Variants in RSBN1L observed in about 807,000 individuals in gnomAD.
The protein encoded by RSBN1L is round spermatid basic protein 1 like, also known as lysine-specific demethylase RSBN1L.
Under a neutral mutation model 67.7 loss-of-function variants are expected in RSBN1L, and 30 were observed. The ratio of observed to expected loss-of-function variants is 0.44; its 90% CI spans 0.33 to 0.60. RSBN1L has a LOEUF of 0.60. Ranked by LOEUF, RSBN1L falls within the 20% of genes least tolerant of loss-of-function variation. RSBN1L has a pLI of 0.02. For missense variants in RSBN1L, 992 were observed against 1,031.7 expected, an observed-to-expected ratio of 0.96 and a Z score of 0.53; for synonymous variants, 433 against 387.0, an observed-to-expected ratio of 1.12 and a Z score of -1.39.
At chr7:77,758,361 G>T (rs1259304661) in intron 3 of RSBN1L, among the ~76,000 whole-genome samples, 1 of 152,142 alleles carries the variant, frequency 6.6e-6, no homozygotes, top group Non-Finnish European at 1.5e-5. Context: ...TTTAATATTT[G>T]TGGGTACATA....
chr7:77,748,203 G>A (rs1791508994), intron 2 of RSBN1L, among the ~76,000 whole-genome samples: 1 of 152,076 alleles, frequency 6.6e-6, no homozygotes, highest in Admixed American at 6.6e-5. Flanking sequence ...TTATAGAAAG[G>A]TTAATATGGC....
At chr7:77,771,511 CTTTT>C (rs10630112) in intron 5 of RSBN1L, among the ~76,000 whole-genome samples, 1 of 136,134 alleles carries the variant, frequency 7.3e-6, no homozygotes, top group Admixed American at 7.3e-5. Context: ...CTCAGCGACT[CTTTT>C]TTTTTTTTTT....
In RSBN1L at chr7:77,742,566, GGT is replaced by G. The variant is rs570959669; in HGVS notation, c.703+6042_703+6043del. On this transcript the variant is annotated intron_variant, in intron 2 of 7. Coordinates refer to ENST00000334955, the MANE Select transcript of RSBN1L (RefSeq NM_198467.3). ...AAACCATGTTGTTTAGGCCTGGTGT[GGT>G]GGCTCACACCTGTAATCCCAGCACT... 1.1e-4 allele frequency among the ~76,000 whole-genome samples: 17 copies of G among 152,204 alleles called. 1 individual carries two copies. In the South Asian group the frequency reaches 3.3e-3, roughly 30 times the overall value.
chr7:77,720,013 C>T (rs1791094993), intron 1 of RSBN1L, among the ~76,000 whole-genome samples: 1 of 152,230 alleles, frequency 6.6e-6, no homozygotes, highest in South Asian at 2.1e-4. Context: ...CATCCTCCCA[C>T]CTTGTCCTCC....
chr7:77,765,482 C>T lies in RSBN1L; in HGVS notation c.1345-13C>T. The T allele has an allele frequency of 1.3e-6, 2 of 1,512,700 alleles. No individual in the cohort carries two copies. Among genetic ancestry groups the T allele is most frequent in the Non-Finnish European group, 1.8e-6 (2 of 1,124,150 alleles). 93.7% of individuals were successfully genotyped at this position (1,512,700 alleles called of 1,614,324 possible). ...AACGTATTTAACTTTTAATTAAATC[C>T]ATGTTTCTTCAGGTAAAAAGAACGT... On this transcript the variant is annotated splice_polypyrimidine_tract_variant and intron_variant, in intron 3 of 7. Transcript: ENST00000334955.
chr7:77,754,581 A>G (rs1791593080), intron 3 of RSBN1L, among the ~76,000 whole-genome samples: 1 of 152,232 alleles, frequency 6.6e-6, no homozygotes, highest in South Asian at 2.1e-4. Flanking sequence ...TTAGAATATG[A>G]CATTAACATT....
intron 1 of RSBN1L, among the ~76,000 whole-genome samples, chr7:77,706,893 G>T (rs983374772): frequency 1.3e-5 from 2 of 152,026 alleles, no homozygotes; most frequent in Non-Finnish European, 2.9e-5. Flanking sequence ...AGCCCTGCCA[G>T]TTTTTAAATA....
At chr7:77,704,097 T>C (rs1049873737) in intron 1 of RSBN1L, among the ~76,000 whole-genome samples, 44 of 152,238 alleles carry the variant, frequency 2.9e-4, no homozygotes, top group African/African-American at 1.0e-3. Flanking sequence ...TCCTGACCTT[T>C]CTTTCATACC....
chr7:77,698,992 C>T (rs1480226251), intron 1 of RSBN1L, among the ~76,000 whole-genome samples: 2 of 151,996 alleles, frequency 1.3e-5, no homozygotes, highest in Non-Finnish European at 2.9e-5. Context: ...TAAGAAGATT[C>T]TTAAATAGCG....
chr7:77,735,244 C>T (rs1791319595), intron 1 of RSBN1L, among the ~76,000 whole-genome samples: 1 of 152,036 alleles, frequency 6.6e-6, no homozygotes, highest in African/African-American at 2.4e-5. Context: ...GACTATTCAA[C>T]ACTTAAAGTG....
intron 1 of RSBN1L, among the ~76,000 whole-genome samples, chr7:77,717,051 G>A (rs1217247710): frequency 6.6e-6 from 1 of 151,716 alleles, no homozygotes; most frequent in African/African-American, 2.4e-5. Flanking sequence ...GTCTGGAACT[G>A]CTGGCCTTAA....
chr7:77,774,055 C>T (rs1276419908), intron 6 of RSBN1L, among the ~76,000 whole-genome samples: 1 of 152,164 alleles, frequency 6.6e-6, no homozygotes, highest in Non-Finnish European at 1.5e-5. Context: ...AATCTGATTC[C>T]ATACTCTTCT....
chr7:77,703,071 T>C (rs1362025724), intron 1 of RSBN1L, among the ~76,000 whole-genome samples: 1 of 152,150 alleles, frequency 6.6e-6, no homozygotes, highest in African/African-American at 2.4e-5. Context: ...GTTCTAGCGC[T>C]TCATGGGGGA....
chr7:77,756,290 C>G (rs960163551), intron 3 of RSBN1L, among the ~76,000 whole-genome samples: 1 of 151,956 alleles, frequency 6.6e-6, no homozygotes, highest in African/African-American at 2.4e-5. Flanking sequence ...TACCACCACA[C>G]CTGGCTAATT....
At chr7:77,734,710 A>G (rs1198737724) in intron 1 of RSBN1L, among the ~76,000 whole-genome samples, 1 of 152,114 alleles carries the variant, frequency 6.6e-6, no homozygotes, top group East Asian at 1.9e-4. Flanking sequence ...GCTTGTCTTG[A>G]ACTCCTGACC....
chr7:77,713,284 T>C (rs1260688489), intron 1 of RSBN1L, among the ~76,000 whole-genome samples: 1 of 152,140 alleles, frequency 6.6e-6, no homozygotes, highest in Non-Finnish European at 1.5e-5. Flanking sequence ...TGGTCTTTCA[T>C]ACAGAAGTTT....
rs752718556 is a variant in RSBN1L at position 77,778,607 on chromosome 7, T to C, written c.1980T>C (p.Tyr660=). 2 of 1,614,126 alleles carry C rather than the reference T, an allele frequency of 1.2e-6. No individual in the cohort carries two copies. Among genetic ancestry groups the C allele is most frequent in the Non-Finnish European group, 1.7e-6 (2 of 1,179,978 alleles). The change falls in exon 8 of 8, where the codon TAT becomes TAC. Residue 660 remains tyrosine, a synonymous_variant. Transcript: ENST00000334955. The stretch of plus-strand genomic sequence containing the variant: ...TTCGCTATGCCAGGATTCAGCTATA[T>C]GATAATGACATTTATTTTATTCCAA... ...EGIRYARIQL[Y]DNDIYFIPRN...
chr7:77,719,908 G>A (rs959759314), intron 1 of RSBN1L, among the ~76,000 whole-genome samples: 1 of 152,064 alleles, frequency 6.6e-6, no homozygotes, highest in African/African-American at 2.4e-5. Context: ...AGTACTATAG[G>A]TGCGCACCAC....
At chr7:77,706,687 A>G (rs894066578) in intron 1 of RSBN1L, among the ~76,000 whole-genome samples, 2 of 152,218 alleles carry the variant, frequency 1.3e-5, no homozygotes, top group Non-Finnish European at 2.9e-5. Flanking sequence ...TTCAGATACC[A>G]GAGTAAATAC....
Sources: gnomAD v4.1 joint callset for allele counts (sites outside exome capture counted in the v4.1 genomes callset) on GRCh38, gnomAD v4.1.1 for gene constraint, MANE v1.5 for transcripts, NCBI Gene and HGNC (gene_info 2026-07-23, HGNC 2026-07-21) for gene names.